EXOC6B: variants seen among roughly 807,000 people sequenced by gnomAD.
EXOC6B encodes the protein SEC15 homolog B.
Under a neutral mutation model 113.5 loss-of-function variants are expected in EXOC6B, and 54 were observed. The observed-to-expected ratio is 0.48, with a 90% CI of 0.38 to 0.60. The LOEUF is 0.60. EXOC6B is among the 20% of genes least tolerant of loss of function. EXOC6B has a pLI of 0.00. For missense variants in EXOC6B, 797 were observed against 977.5 expected, an observed-to-expected ratio of 0.82 and a Z score of 2.46; for synonymous variants, 357 against 339.0, an observed-to-expected ratio of 1.05 and a Z score of -0.58.
intron 1 of EXOC6B, among the ~76,000 whole-genome samples, chr2:72,758,504 T>A (rs1682573007): frequency 6.6e-6 from 1 of 152,004 alleles, no homozygotes; most frequent in Non-Finnish European, 1.5e-5. Context: ...CAAAAATAAA[T>A]CTGGTCCCCC....
At chr2:72,718,974 A>G (rs1196522137) in intron 5 of EXOC6B, among the ~76,000 whole-genome samples, 8 of 152,256 alleles carry the variant, frequency 5.3e-5, no homozygotes, top group Non-Finnish European at 1.2e-4. Context: ...CAAATCTTCT[A>G]TCCAAAGAAA....
chr2:72,234,483 C>T (rs1270324671), intron 20 of EXOC6B, among the ~76,000 whole-genome samples: 1 of 152,288 alleles, frequency 6.6e-6, no homozygotes, highest in Middle Eastern at 3.4e-3. Flanking sequence ...CTAGACAATA[C>T]TTCTGGACAT....
intron 6 of EXOC6B, among the ~76,000 whole-genome samples, chr2:72,584,840 A>G (rs943453374): frequency 3.9e-5 from 6 of 152,242 alleles, no homozygotes; most frequent in African/African-American, 1.4e-4. Context: ...AAAAACAGAA[A>G]TCAATACCAA....
At chr2:72,514,954 GACACACACACACAC>G in intron 9 of EXOC6B, 75 bp downstream of exon 9, 3 of 887,526 alleles carry the variant, frequency 3.4e-6, no homozygotes, top group South Asian at 1.6e-5. Context: ...CACACACACA[GACACACACACACAC>G]ACACACACAC....
At chr2:72,406,037 G>C (rs1693730681) in intron 18 of EXOC6B, among the ~76,000 whole-genome samples, 1 of 152,058 alleles carries the variant, frequency 6.6e-6, no homozygotes, top group Admixed American at 6.6e-5. Flanking sequence ...AATAAAAAAA[G>C]GCAGGGGTTG....
chr2:72,326,350 G>A (rs1688126339), intron 20 of EXOC6B, among the ~76,000 whole-genome samples: 1 of 152,136 alleles, frequency 6.6e-6, no homozygotes. Flanking sequence ...AACCTTCTGA[G>A]TTCCTCAGGC....
chr2:72,445,450 T>G (rs1696514787), intron 18 of EXOC6B, among the ~76,000 whole-genome samples: 1 of 152,174 alleles, frequency 6.6e-6, no homozygotes. Context: ...ACTCTACTGG[T>G]ACAAATTTAC....
chr2:72,409,226 A>G (rs1006023506), intron 18 of EXOC6B, among the ~76,000 whole-genome samples: 11 of 152,256 alleles, frequency 7.2e-5, no homozygotes, highest in African/African-American at 2.2e-4. Context: ...AACAGGTGCT[A>G]GAGAGGATGT....
chr2:72,515,263 A>G, intron 8 of EXOC6B, 137 bp from the exon 9 acceptor site: 1 of 924,644 alleles, frequency 1.1e-6, no homozygotes. Flanking sequence ...AACATTGATG[A>G]TAACAATAGA....
At chr2:72,402,072 T>C (rs571789885) in intron 18 of EXOC6B, among the ~76,000 whole-genome samples, 6 of 151,700 alleles carry the variant, frequency 4.0e-5, no homozygotes, top group Admixed American at 2.0e-4. Flanking sequence ...TTTTAAGAAT[T>C]TGTGTTAATT....
intron 18 of EXOC6B, among the ~76,000 whole-genome samples, chr2:72,428,257 C>T (rs1218639578): frequency 2.6e-5 from 4 of 152,332 alleles, no homozygotes; most frequent in Middle Eastern, 6.8e-3. Flanking sequence ...CGCCACGTTC[C>T]AGGCAAAGAT....
chr2:72,547,974 A>G (rs1167193882), intron 8 of EXOC6B, among the ~76,000 whole-genome samples: 1 of 152,186 alleles, frequency 6.6e-6, no homozygotes, highest in East Asian at 1.9e-4. Flanking sequence ...CTGTACGTGA[A>G]TGTGAAGATT....
At position 72,335,282 on chromosome 2, in the gene EXOC6B, G is replaced by C. The variant is rs946115579; in HGVS notation, c.2123-262C>G. The stretch of plus-strand genomic sequence containing the variant: ...TTCCCATGAGCTGCGCTGGGCTTCA[G>C]AGTATTTGTTTTGTGAATGGACAAA... On this transcript the variant is annotated intron_variant, in intron 19 of 21. Coordinates refer to ENST00000272427, the MANE Select transcript of EXOC6B (RefSeq NM_015189.3). The C allele has an allele frequency of 8.3e-6, 3 of 363,146 alleles. No individual in the cohort carries two copies. The South Asian group carries it at 1.3e-4, about 16-fold the overall frequency. 22.5% of individuals were successfully genotyped at this position (363,146 alleles called of 1,614,324 possible).
chr2:72,217,156 A>G (rs748935029), intron 20 of EXOC6B, among the ~76,000 whole-genome samples: 1 of 151,950 alleles, frequency 6.6e-6, no homozygotes, highest in Non-Finnish European at 1.5e-5. Context: ...TGTGTTTCCC[A>G]TAGAATACCA....
Position 72,766,566 on chromosome 2 carries a change from G to GT in EXOC6B, c.114-25098dup, listed in dbSNP as rs556856079. ...GAATTTCACTACAGCCTTACGATTT[G>GT]TTTTTTTATTATAAAACTGGAGAAA... On this transcript the variant is annotated intron_variant, in intron 1 of 21. Coordinates refer to ENST00000272427, the MANE Select transcript of EXOC6B (RefSeq NM_015189.3). Among the ~76,000 whole-genome samples the GT allele has an allele frequency of 2.5e-3, 381 of 152,128 alleles. 1 individual carries two copies. The highest frequency in any genetic ancestry group is 4.5e-3 in the Non-Finnish European group (307 of 67,986).
chr2:72,736,204 A>C (rs1255062398), intron 2 of EXOC6B, among the ~76,000 whole-genome samples: 8 of 150,322 alleles, frequency 5.3e-5, no homozygotes, highest in African/African-American at 1.3e-4. Context: ...AAAAAAAAAA[A>C]AACAAAACAA....
At chr2:72,559,788 T>C (rs1450398865) in intron 7 of EXOC6B, among the ~76,000 whole-genome samples, 1 of 152,230 alleles carries the variant, frequency 6.6e-6, no homozygotes, top group Admixed American at 6.5e-5. Context: ...GCACCAATCC[T>C]GCATTTGCCT....
chr2:72,763,491 G>A (rs1017925237), intron 1 of EXOC6B, among the ~76,000 whole-genome samples: 64 of 150,326 alleles, frequency 4.3e-4, no homozygotes, highest in Non-Finnish European at 9.2e-4. Context: ...GCACTGGTAC[G>A]ATCTTGGCTC....
chr2:72,392,467 T>C (rs1692450074), intron 18 of EXOC6B, among the ~76,000 whole-genome samples: 1 of 152,244 alleles, frequency 6.6e-6, no homozygotes, highest in African/African-American at 2.4e-5. Context: ...ATAATTCATC[T>C]TTGATACAAT....
Sources: gnomAD v4.1 joint callset for allele counts (sites outside exome capture counted in the v4.1 genomes callset) on GRCh38, gnomAD v4.1.1 for gene constraint, MANE v1.5 for transcripts, NCBI Gene and HGNC (gene_info 2026-07-23, HGNC 2026-07-21) for gene names.